The following BMX variants were observed in gnomAD, a reference collection of about 807,000 sequenced individuals.
The protein encoded by BMX is cytoplasmic tyrosine-protein kinase BMX.
In BMX, 31 loss-of-function variants were observed where a neutral mutation model predicts 59.2. The ratio of observed to expected loss-of-function variants is 0.52; its 90% CI spans 0.39 to 0.71. BMX has a LOEUF of 0.71. BMX is among the 30% of genes least tolerant of loss of function. BMX has a pLI of 0.00. For synonymous variants in BMX, 185 were observed against 181.0 expected (o/e 1.02, Z -0.18); for missense variants, 474 against 491.7 (o/e 0.96, Z 0.34).
rs233566 is a variant in BMX at position 15,505,607 on chromosome X, A to G, written c.-9-2738A>G. Among the ~76,000 whole-genome samples, 656 of 112,602 alleles carry G rather than the reference A, an allele frequency of 5.8e-3. 4 individuals are homozygous for G. The highest frequency in any genetic ancestry group is 8.6e-3 in the Non-Finnish European group (456 of 53,311). On this transcript the variant is annotated intron_variant, in intron 1 of 18. Coordinates refer to ENST00000348343, the MANE Select transcript of BMX (RefSeq NM_203281.3). ...TTTATAGAATAAACATATATTGCAT[A>G]TGAATCTTAAAATGAAAGCAAAAAA...
At chrX:15,550,146 T>C (rs916447115) in intron 18 of BMX, 149 bp downstream of exon 18, 10 of 680,023 alleles carry the variant, frequency 1.5e-5, no homozygotes, top group Non-Finnish European at 2.1e-5. Context: ...AAAATGTTTG[T>C]AATCTAAAAC....
At chrX:15,550,665 T>TACACACACACACAC (rs58905214) in intron 18 of BMX, among the ~76,000 whole-genome samples, 24 of 86,769 alleles carry the variant, frequency 2.8e-4, no homozygotes, top group African/African-American at 8.6e-4. Flanking sequence ...TCAAAGTCTT[T>TACACACACACACAC]ACACACACAC....
At chrX:15,530,094 G>T in intron 10 of BMX, 67 bp downstream of exon 10, 1 of 1,017,346 alleles carries the variant, frequency 9.8e-7, no homozygotes, top group South Asian at 2.1e-5. Context: ...AGAGGTTGAT[G>T]CATTTCTCAT....
rs1441660683 is a variant in BMX, at chrX:15,543,099, A to G, written c.1640A>G (p.Asp547Gly). 2 of 1,208,659 alleles carry G rather than the reference A, an allele frequency of 1.7e-6. No individual in the cohort carries two copies. The highest frequency in any genetic ancestry group is 2.2e-5 in the Admixed American group (1 of 45,806). ...GCTCGTAACTGCTTGGTGGACAGAG[A>G]TCTCTGTGTGAAAGTATCTGACTTT... ...LAARNCLVDR[D>G]LCVKVSDFGM... Residue 547 changes from aspartate to glycine, a missense_variant, in exon 16 of 19, where the codon GAT (aspartate) becomes GGT (glycine). Coordinates refer to ENST00000348343, the MANE Select transcript of BMX (RefSeq NM_203281.3).
chrX:15,548,648 A>C (rs1468695549), intron 17 of BMX, among the ~76,000 whole-genome samples: 1 of 111,489 alleles, frequency 9.0e-6, no homozygotes, highest in African/African-American at 3.3e-5. Context: ...TTCATTCTTA[A>C]ACAATATATC....
At chrX:15,528,820 T>C (rs1924925266) in intron 9 of BMX, among the ~76,000 whole-genome samples, 1 of 112,169 alleles carries the variant, frequency 8.9e-6, no homozygotes, top group Admixed American at 9.4e-5. Flanking sequence ...GTACATAGGT[T>C]ATATCACCTT....
At chrX:15,544,251 A>G (rs1297696782) in intron 16 of BMX, among the ~76,000 whole-genome samples, 2 of 110,296 alleles carry the variant, frequency 1.8e-5, no homozygotes, top group Non-Finnish European at 3.8e-5. Flanking sequence ...ATGCTTTTTG[A>G]CCCTTGTGGC....
chrX:15,508,609 T>C, intron 2 of BMX, 118 bp downstream of exon 2: 1 of 510,619 alleles, frequency 2.0e-6, no homozygotes, highest in African/African-American at 2.5e-5. Context: ...GTGAAGATCC[T>C]CTTCTATCCA....
chrX:15,537,404 C>G, intron 14 of BMX, 99 bp downstream of exon 14: 1 of 878,869 alleles, frequency 1.1e-6, no homozygotes, highest in Non-Finnish European at 1.6e-6. Context: ...GAGCAAAAGT[C>G]CACATACTGT....
intron 13 of BMX, 115 bp from the exon 14 acceptor site, chrX:15,537,019 A>G: frequency 1.3e-6 from 1 of 781,353 alleles, no homozygotes; most frequent in Non-Finnish European, 1.9e-6. Context: ...TAAAATAAAA[A>G]GTCTTGTTTA....
chrX:15,523,943 G>C (rs1316053372), intron 7 of BMX, among the ~76,000 whole-genome samples: 1 of 112,295 alleles, frequency 8.9e-6, no homozygotes, highest in East Asian at 2.8e-4. Context: ...AGCATGAGCA[G>C]CATTGCATCT....
chrX:15,511,441 T>C lies in BMX; in HGVS notation c.248T>C (p.Val83Ala), dbSNP rs879056556. The change falls in exon 4 of 19, where the codon GTC becomes GCC. Residue 83 changes from valine to alanine, a missense_variant. Coordinates refer to ENST00000348343, the MANE Select transcript of BMX (RefSeq NM_203281.3). ...ACCAAATATTTTCCTTTCCAGATTG[T>C]CTATAAAGATGGGCTTCTCTATGTC... ...PVERQYPFQI[V>A]YKDGLLYVYA... The C allele has an allele frequency of 1.7e-6, 2 of 1,197,515 alleles. No individual in the cohort carries two copies. Among genetic ancestry groups the C allele is most frequent in the African/African-American group, 1.8e-5 (1 of 56,779 alleles).
intron 9 of BMX, among the ~76,000 whole-genome samples, chrX:15,528,776 C>T (rs952569778): frequency 3.6e-5 from 4 of 111,894 alleles, no homozygotes; most frequent in African/African-American, 9.7e-5. Flanking sequence ...ACACAGGCAA[C>T]GTTTGTATGT....
chrX:15,533,616 G>A (rs1238988519), intron 11 of BMX, among the ~76,000 whole-genome samples: 2 of 112,040 alleles, frequency 1.8e-5, no homozygotes, highest in African/African-American at 6.5e-5. Context: ...TATTATTCCT[G>A]ATTAGCTTAA....
intron 1 of BMX, among the ~76,000 whole-genome samples, chrX:15,501,983 G>A (rs1027594172): frequency 6.3e-5 from 7 of 111,818 alleles, no homozygotes; most frequent in Admixed American, 1.9e-4. Context: ...TTATTTCACT[G>A]TCTTTAGTTT....
intron 6 of BMX, among the ~76,000 whole-genome samples, chrX:15,520,283 T>C (rs1448705624): frequency 8.9e-6 from 1 of 111,822 alleles, no homozygotes; most frequent in African/African-American, 3.3e-5. Context: ...GTCCTGAAGC[T>C]TGAAAAGTAT....
chrX:15,519,461 C>T (rs1458009311), intron 6 of BMX, among the ~76,000 whole-genome samples: 1 of 111,244 alleles, frequency 9.0e-6, no homozygotes, highest in African/African-American at 3.3e-5. Context: ...GATGAAATCA[C>T]ACGAAAGATG....
chrX:15,536,522 G>T, intron 13 of BMX, 95 bp downstream of exon 13: 1 of 734,487 alleles, frequency 1.4e-6, no homozygotes. Context: ...AAAAAAGGAG[G>T]AAAGACAGGA....
rs184105394 is a variant in BMX, at chrX:15,518,054, G to T, written c.510+61G>T. 16 of 983,563 alleles carry T rather than the reference G, an allele frequency of 1.6e-5. No individual in the cohort carries two copies. In the East Asian group the frequency reaches 5.0e-4, roughly 30 times the overall value. 81.1% of individuals were successfully genotyped at this position (983,563 alleles called of 1,213,427 possible). ...GGATATATTAAATAAACCAAGAGTT[G>T]CCAGATTCAAGACTAGAAAATGTGG... On this transcript the variant is annotated intron_variant, in intron 6 of 18. Transcript: ENST00000348343.
Sources: allele counts gnomAD v4.1 joint callset (sites outside exome capture counted in the v4.1 genomes callset), GRCh38; gene constraint gnomAD v4.1.1; transcripts MANE v1.5; gene names NCBI Gene and HGNC (gene_info 2026-07-23, HGNC 2026-07-21).